Variants in BHMT2 observed in about 807,000 individuals in gnomAD.
The protein encoded by BHMT2 is S-methylmethionine--homocysteine S-methyltransferase BHMT2.
A neutral mutation model predicts 39.0 loss-of-function variants in BHMT2; 28 were observed. That is an observed-to-expected ratio of 0.72 (90% CI 0.53 to 0.98). The LOEUF is 0.98. BHMT2 is among the 50% of genes least tolerant of loss of function. The probability of loss-of-function intolerance (pLI) is 0.00; values close to 1 mark genes in which losing one functional copy is unlikely to be tolerated. For synonymous variants in BHMT2, 145 were observed against 160.6 expected (o/e 0.90, Z 0.74); for missense variants, 410 against 455.6 (o/e 0.90, Z 0.91).
At chr5:79,078,771 C>T (rs1755726751) in intron 2 of BHMT2, among the ~76,000 whole-genome samples, 1 of 152,196 alleles carries the variant, frequency 6.6e-6, no homozygotes, top group East Asian at 1.9e-4. Context: ...CCAAGAAGAA[C>T]TTGTTCTTAA....
chr5:79,084,882 GAT>G lies in BHMT2; in HGVS notation c.1010+1029_1010+1030del, dbSNP rs199557846. On this transcript the variant is annotated intron_variant, in intron 7 of 7. Transcript: ENST00000255192. The stretch of plus-strand genomic sequence containing the variant: ...CGTTACACTTTTATTTCTTCTGTTG[GAT>G]ATCTTTTTAAGTTAAAATTATATAT... 6.8e-4 allele frequency among the ~76,000 whole-genome samples: 103 copies of G among 152,092 alleles called. No individual in the cohort carries two copies. In the East Asian group the frequency reaches 0.013, roughly 19 times the overall value.
intron 1 of BHMT2, among the ~76,000 whole-genome samples, chr5:79,075,753 G>A (rs1755660418): frequency 6.6e-6 from 1 of 152,210 alleles, no homozygotes; most frequent in African/African-American, 2.4e-5. Context: ...CACCTGGGGA[G>A]ATGTGCTTTA....
In BHMT2 at chr5:79,083,477, C is replaced by T. The variant is rs1458143277; in HGVS notation, c.781+103C>T. 4.7e-6 allele frequency: 7 copies of T among 1,475,972 alleles called. No homozygotes were observed. In the African/African-American group the frequency reaches 9.9e-5, roughly 21 times the overall value. The allele number at this position is 1,475,972 out of a possible 1,614,324, so 91.4% of individuals were successfully genotyped here. ...TTTTACAATAAGAGACTGCATATGA[C>T]AAAACATTCAGAGTTAACCAAAAAT... On this transcript the variant is annotated intron_variant, in intron 6 of 7. Transcript: ENST00000255192.
rs575924169 is a variant in BHMT2 at position 79,089,548 on chromosome 5, G to T, written c.*974G>T. ...ATAAACTATTTAAAGACAAGATCAC[G>T]TGATAAGCTTATAATCTTCTCATAA... On this transcript the variant is annotated 3_prime_UTR_variant, in exon 8 of 8. Coordinates refer to ENST00000255192, the MANE Select transcript of BHMT2 (RefSeq NM_017614.5). The T allele has an allele frequency of 6.6e-6, 1 of 152,044 alleles. No individual in the cohort carries two copies. The highest frequency in any genetic ancestry group is 6.6e-5 in the Admixed American group (1 of 15,260). 9.4% of individuals were successfully genotyped at this position (152,044 alleles called of 1,614,324 possible).
rs767117866 is a variant in BHMT2, at chr5:79,083,618, T to C, written c.782-10T>C. 1 of 1,613,808 alleles carries C rather than the reference T, an allele frequency of 6.2e-7. No homozygotes were observed. The highest frequency in any genetic ancestry group is 1.7e-5 in the Admixed American group (1 of 59,992). On this transcript the variant is annotated splice_polypyrimidine_tract_variant and intron_variant, in intron 6 of 7. Coordinates refer to ENST00000255192, the MANE Select transcript of BHMT2 (RefSeq NM_017614.5). ...CAGTAACAGAAATGCTGTTAACTAT[T>C]GTGATTCAGGACTGGAGTCCAGAGT...
intron 1 of BHMT2, among the ~76,000 whole-genome samples, chr5:79,070,668 A>C (rs1418420532): frequency 1.3e-5 from 2 of 152,198 alleles, no homozygotes; most frequent in Non-Finnish European, 2.9e-5. Context: ...TATTTATACT[A>C]AAAAGTTAGA....
At chr5:79,083,917 G>C (rs962920326) in intron 7 of BHMT2, 61 bp downstream of exon 7, 5 of 1,534,840 alleles carry the variant, frequency 3.3e-6, no homozygotes, top group Non-Finnish European at 4.4e-6. Flanking sequence ...ATTTATTGTT[G>C]TAAATGTCAT....
chr5:79,085,668 C>T (rs1381041450), intron 7 of BHMT2, among the ~76,000 whole-genome samples: 4 of 151,950 alleles, frequency 2.6e-5, no homozygotes, highest in Admixed American at 1.3e-4. Flanking sequence ...GGCAATAGAG[C>T]GAAACTCCAT....
At chr5:79,075,400 A>G (rs1195231594) in intron 1 of BHMT2, among the ~76,000 whole-genome samples, 3 of 152,166 alleles carry the variant, frequency 2.0e-5, no homozygotes, top group Non-Finnish European at 4.4e-5. Flanking sequence ...CACGTAGGCC[A>G]GTAAGCTGCC....
intron 2 of BHMT2, chr5:79,077,855 CCACA>C (rs1050906013): frequency 6.0e-6 from 2 of 335,370 alleles, no homozygotes; most frequent in Non-Finnish European, 5.5e-6. Context: ...ACACACACTC[CCACA>C]CACACACATC....
chr5:79,082,711 C>A, intron 4 of BHMT2, 98 bp from the exon 5 acceptor site: 1 of 1,409,426 alleles, frequency 7.1e-7, no homozygotes, highest in Non-Finnish European at 9.7e-7. Flanking sequence ...TGTTTATATT[C>A]TATTTGGTAA....
At chr5:79,077,290 A>G (rs1468930743) in intron 1 of BHMT2, among the ~76,000 whole-genome samples, 190 bp from the exon 2 acceptor site, 1 of 152,232 alleles carries the variant, frequency 6.6e-6, no homozygotes, top group Non-Finnish European at 1.5e-5. Flanking sequence ...CTTTCATTGT[A>G]CAAAATAGGA....
intron 1 of BHMT2, among the ~76,000 whole-genome samples, chr5:79,070,636 G>T (rs549740867): frequency 2.0e-4 from 30 of 152,146 alleles, no homozygotes; most frequent in Admixed American, 7.2e-4. Context: ...CAGTTTATGC[G>T]TGGAAATGTG....
At position 79,069,805 on chromosome 5, in the gene BHMT2, G is replaced by A; in HGVS notation, c.23G>A (p.Gly8Glu). Residue 8 changes from glycine to glutamate, a missense_variant, in exon 1 of 8, where the codon GGG (glycine) becomes GAG (glutamate). Transcript: ENST00000255192. The stretch of plus-strand genomic sequence containing the variant: ...ACCATGGCACCTGCTGGACGCCCGG[G>A]GGCCAAGAAGGTGAGTTTCGTCCCC... Reference protein sequence around the residue: MAPAGRPGAKKGILERLE... With the variant: MAPAGRPEAKKGILERLE... The A allele has an allele frequency of 1.4e-6, 2 of 1,435,936 alleles. No individual in the cohort carries two copies. Among genetic ancestry groups the A allele is most frequent in the Non-Finnish European group, 9.2e-7 (1 of 1,088,234 alleles). 88.9% of individuals were successfully genotyped at this position (1,435,936 alleles called of 1,614,324 possible). A position where few individuals can be genotyped will look rare whatever the true frequency, so the allele number is the denominator to read the frequency against.
Position 79,088,835 on chromosome 5 carries a change from C to T in BHMT2, c.*261C>T. The T allele has an allele frequency of 3.0e-6, 1 of 333,742 alleles. No individual in the cohort carries two copies. The highest frequency in any genetic ancestry group is 5.6e-6 in the Non-Finnish European group (1 of 179,954). 20.7% of individuals were successfully genotyped at this position (333,742 alleles called of 1,614,324 possible). A position where few individuals can be genotyped will look rare whatever the true frequency, so the allele number is the denominator to read the frequency against. Reference sequence around the variant, plus strand: ...CCTTGTTCTCCAAGAACTTACTGTCCAATCATGCTGTGGTGCATTCCTTTG... The same window carrying T: ...CCTTGTTCTCCAAGAACTTACTGTCTAATCATGCTGTGGTGCATTCCTTTG... On this transcript the variant is annotated 3_prime_UTR_variant, in exon 8 of 8. Transcript: ENST00000255192.
chr5:79,088,505 G>A lies in BHMT2; in HGVS notation c.1023G>A (p.Glu341=). Residue 341 remains glutamate, a synonymous_variant, in exon 8 of 8, where the codon GAG becomes GAA. Transcript: ENST00000255192. ...TATTGAAACACAGGGCTCGAAGGGA[G>A]TATTGGGAGAATCTGCTGCCAGCTT... The part of the protein sequence containing the change: ...KPWIRARARR[E]YWENLLPASG... 1 of 1,613,978 alleles carries A rather than the reference G, an allele frequency of 6.2e-7. No homozygotes were observed. The highest frequency in any genetic ancestry group is 2.2e-5 in the East Asian group (1 of 44,874).
chr5:79,085,701 A>T (rs1580255047), intron 7 of BHMT2, among the ~76,000 whole-genome samples: 1 of 152,052 alleles, frequency 6.6e-6, no homozygotes, highest in Non-Finnish European at 1.5e-5. Context: ...AAACAAAAAA[A>T]CCCCAAAAAT....
At chr5:79,074,191 A>G (rs1197061480) in intron 1 of BHMT2, among the ~76,000 whole-genome samples, 4 of 152,036 alleles carry the variant, frequency 2.6e-5, no homozygotes, top group Non-Finnish European at 5.9e-5. Flanking sequence ...TTTTTTATGT[A>G]CCCATTTCTC....
chr5:79,086,169 C>A (rs1403078675), intron 7 of BHMT2, among the ~76,000 whole-genome samples: 2 of 152,192 alleles, frequency 1.3e-5, no homozygotes, highest in African/African-American at 4.8e-5. Context: ...CTGTTGTCCT[C>A]CCCGGTAATT....
Sources: gnomAD v4.1 joint callset for allele counts (sites outside exome capture counted in the v4.1 genomes callset) on GRCh38, gnomAD v4.1.1 for gene constraint, MANE v1.5 for transcripts, NCBI Gene and HGNC (gene_info 2026-07-23, HGNC 2026-07-21) for gene names.